Variants in SIGLEC12 observed in about 807,000 individuals in gnomAD.
SIGLEC12 encodes the protein sialic acid-binding Ig-like lectin 12.
In SIGLEC12, 43 loss-of-function variants were observed where a neutral mutation model predicts 54.1. That is an observed-to-expected ratio of 0.80 (90% CI 0.62 to 1.03). The LOEUF is 1.03. Among genes scored for constraint, SIGLEC12 ranks in the 50% least tolerant of loss-of-function variants. The probability of loss-of-function intolerance (pLI) is 0.00; values close to 1 mark genes in which losing one functional copy is unlikely to be tolerated. For missense variants in SIGLEC12, 802 were observed against 735.2 expected, an observed-to-expected ratio of 1.09 and a Z score of -1.05; for synonymous variants, 357 against 307.6, an observed-to-expected ratio of 1.16 and a Z score of -1.68.
At chr19:51,497,119 T>C (rs568094600) in intron 6 of SIGLEC12, 143 bp from the exon 7 acceptor site, 2 of 1,353,604 alleles carry the variant, frequency 1.5e-6, no homozygotes, top group Admixed American at 2.3e-5. Context: ...GAGACCCCAA[T>C]GTCGAAAACA....
chr19:51,496,933 C>G lies in SIGLEC12; in HGVS notation c.1546G>C (p.Val516Leu). The change falls in exon 7 of 8, where the codon GTG (valine) becomes CTG (leucine). Residue 516 changes from valine to leucine, a missense_variant. Physicochemically the swap from Val to Leu is conservative, Grantham distance 32. Coordinates refer to ENST00000291707, the MANE Select transcript of SIGLEC12 (RefSeq NM_053003.4). ...RKKSARPAVG[V>L]GDTGMEDANA... ...GCGTCCTCCATGCCTGTATCCCCCACGCCCACTGCTGGCCTTGCCGATTTC... is the reference window on the plus strand; with the variant it reads ...GCGTCCTCCATGCCTGTATCCCCCAGGCCCACTGCTGGCCTTGCCGATTTC... 6.2e-7 allele frequency: 1 copy of G among 1,613,750 alleles called. No homozygotes were observed. Among genetic ancestry groups the G allele is most frequent in the Non-Finnish European group, 8.5e-7 (1 of 1,180,004 alleles).
chr19:51,501,160 C>T (rs545737848), intron 1 of SIGLEC12, 147 bp downstream of exon 1: 63 of 829,006 alleles, frequency 7.6e-5, no homozygotes, highest in South Asian at 2.8e-4. Context: ...ATCCAAGGTG[C>T]GGTCCTGGGG....
chr19:51,492,473 GAAT>G (rs1171312361), intron 7 of SIGLEC12, among the ~76,000 whole-genome samples: 1 of 152,178 alleles, frequency 6.6e-6, no homozygotes, highest in Admixed American at 6.5e-5. Context: ...CTTATAGGAA[GAAT>G]AATGACCCCT....
At chr19:51,493,689 CA>C (rs910838956) in intron 7 of SIGLEC12, among the ~76,000 whole-genome samples, 1 of 152,186 alleles carries the variant, frequency 6.6e-6, no homozygotes, top group African/African-American at 2.4e-5. Context: ...AATCTATTGG[CA>C]ATTCTCATAA....
chr19:51,493,898 T>C (rs1990165493), intron 7 of SIGLEC12, among the ~76,000 whole-genome samples: 1 of 152,196 alleles, frequency 6.6e-6, no homozygotes, highest in East Asian at 1.9e-4. Context: ...TTAATCATGG[T>C]CTCTTGCACA....
intron 7 of SIGLEC12, among the ~76,000 whole-genome samples, chr19:51,496,525 A>T (rs28436300): frequency 0.061 from 9,351 of 152,274 alleles, 342 homozygotes; most frequent in Middle Eastern, 0.16. Flanking sequence ...AGATTTAAAT[A>T]AACCCAGATT....
chr19:51,499,118 CCT>C (rs1990320572), intron 4 of SIGLEC12, 50 bp downstream of exon 4: 2 of 1,600,802 alleles, frequency 1.2e-6, no homozygotes, highest in African/African-American at 2.7e-5. Context: ...CTGGCTCTCC[CCT>C]GAGTTGAAGG....
rs201671422 is a variant in SIGLEC12, at chr19:51,497,396, A to C, written c.1455T>G (p.Ala485=). ...ACAGGAAGACCAGGGCTGTGGCTCC[A>C]GCTCCCCCGAATGCCCCTAGCGTCA... The part of the protein sequence containing the change: ...SGVTLGAFGG[A]GATALVFLYF... The change falls in exon 6 of 8, where the codon GCT becomes GCG. Residue 485 remains alanine (A), a synonymous_variant. Coordinates refer to ENST00000291707, the MANE Select transcript of SIGLEC12 (RefSeq NM_053003.4). 1.8e-5 allele frequency: 29 copies of C among 1,613,216 alleles called. No individual in the cohort carries two copies. Among genetic ancestry groups the C allele is most frequent in the Admixed American group, 1.5e-4 (9 of 59,996 alleles).
chr19:51,491,825 G>A lies in SIGLEC12; in HGVS notation c.1604C>T (p.Pro535Leu), dbSNP rs1430403586. The A allele has an allele frequency of 1.3e-6, 2 of 1,561,502 alleles. No homozygotes were observed. The highest frequency in any genetic ancestry group is 8.6e-7 in the Non-Finnish European group (1 of 1,156,250). ...NAVRGSASQGPLIESPADDSP... is the reference protein window; with the variant it reads ...NAVRGSASQGLLIESPADDSP... ...GTCATCTGCCGGGGATTCAATCAGG[G>A]GTCCCTGAATGGAGGAAGAGAAGGG... Residue 535 changes from proline (P) to leucine (L), a missense_variant, in exon 8 of 8, where the codon CCC becomes CTC. Pro to Leu is a moderately conservative substitution (Grantham distance 98). Transcript: ENST00000291707.
intron 5 of SIGLEC12, 124 bp downstream of exon 5, chr19:51,497,894 G>C: frequency 2.9e-6 from 4 of 1,360,370 alleles, no homozygotes; most frequent in South Asian, 1.4e-5. Flanking sequence ...TCCCCACCCC[G>C]CACTCACTGC....
At chr19:51,495,705 C>T in intron 7 of SIGLEC12, among the ~76,000 whole-genome samples, 1 of 152,186 alleles carries the variant, frequency 6.6e-6, no homozygotes, top group East Asian at 1.9e-4. Flanking sequence ...GAGCCCAAGA[C>T]TTTTAAATGT....
intron 7 of SIGLEC12, among the ~76,000 whole-genome samples, chr19:51,493,252 A>G (rs910861130): frequency 4.6e-5 from 7 of 152,152 alleles, no homozygotes; most frequent in Admixed American, 1.3e-4. Flanking sequence ...TCTTGACTTA[A>G]CTACAGGACA....
chr19:51,494,006 C>G (rs2122205889), intron 7 of SIGLEC12, among the ~76,000 whole-genome samples: 1 of 152,312 alleles, frequency 6.6e-6, no homozygotes, highest in South Asian at 2.1e-4. Flanking sequence ...GCCTTGCTTC[C>G]CTCTGTCTAA....
rs1265822354 is a variant in SIGLEC12, at chr19:51,491,761, G to A, written c.1668C>T (p.Pro556=). 2 of 1,611,626 alleles carry A rather than the reference G, an allele frequency of 1.2e-6. No homozygotes were observed. Among genetic ancestry groups the A allele is most frequent in the African/African-American group, 2.7e-5 (2 of 74,924 alleles). Residue 556 remains proline (P), a synonymous_variant, in exon 8 of 8, where the codon CCC becomes CCT. Coordinates refer to ENST00000291707, the MANE Select transcript of SIGLEC12 (RefSeq NM_053003.4). ...PHHAPPALAT[P]SPEEGEIQYA... ...ACTGGATCTCTCCTTCCTCTGGGGA[G>A]GGGGTGGCCAGGGCTGGCGGAGCAT... is the stretch of plus-strand genomic sequence containing the variant.
At chr19:51,493,826 T>C (rs1350824804) in intron 7 of SIGLEC12, among the ~76,000 whole-genome samples, 1 of 152,208 alleles carries the variant, frequency 6.6e-6, no homozygotes, top group Non-Finnish European at 1.5e-5. Flanking sequence ...GCTCTGTCTT[T>C]CCTCTACCAC....
rs200766075 is a variant in SIGLEC12 at position 51,497,316 on chromosome 19, C to G, written c.1502+33G>C. 107 of 1,590,858 alleles carry G rather than the reference C, an allele frequency of 6.7e-5. No homozygotes were observed. The East Asian group carries it at 1.5e-3, about 23-fold the overall frequency. On this transcript the variant is annotated intron_variant, in intron 6 of 7. Coordinates refer to ENST00000291707, the MANE Select transcript of SIGLEC12 (RefSeq NM_053003.4). ...GATTTTGTTCCCAGCCTGCCCTCCC[C>G]CAAGGCTCTTCCTCCCCAGGGTCAA... is the stretch of plus-strand genomic sequence containing the variant.
intron 7 of SIGLEC12, among the ~76,000 whole-genome samples, chr19:51,494,151 A>G (rs752367094): frequency 2.6e-5 from 4 of 152,212 alleles, no homozygotes; most frequent in Non-Finnish European, 4.4e-5. Context: ...TCCTGTGCTC[A>G]AACATCACTA....
At chr19:51,494,773 A>G (rs1178867637) in intron 7 of SIGLEC12, among the ~76,000 whole-genome samples, 1 of 152,246 alleles carries the variant, frequency 6.6e-6, no homozygotes, top group Admixed American at 6.5e-5. Flanking sequence ...ACAATGCAAT[A>G]TTAATTACCC....
rs562538218 is a variant in SIGLEC12 at position 51,497,247 on chromosome 19, T to G, written c.1502+102A>C. ...CCATGACCTCATTCTGGCCCTTGCT[T>G]CAAGCTCTTGACCCATCCAGGTCCT... On this transcript the variant is annotated intron_variant, in intron 6 of 7. Coordinates refer to ENST00000291707, the MANE Select transcript of SIGLEC12 (RefSeq NM_053003.4). 5.4e-6 allele frequency: 6 copies of G among 1,115,662 alleles called. No homozygotes were observed. In the East Asian group the frequency reaches 1.2e-4, roughly 22 times the overall value. The allele number at this position is 1,115,662 out of a possible 1,614,324, so 69.1% of individuals were successfully genotyped here. A position where few individuals can be genotyped will look rare whatever the true frequency, so the allele number is the denominator to read the frequency against.
Sources: gnomAD v4.1 joint callset for allele counts (sites outside exome capture counted in the v4.1 genomes callset) on GRCh38, gnomAD v4.1.1 for gene constraint, MANE v1.5 for transcripts, NCBI Gene and HGNC (gene_info 2026-07-23, HGNC 2026-07-21) for gene names.